Variants in GNAT3 observed in about 807,000 individuals in gnomAD.
The protein encoded by GNAT3 is guanine nucleotide-binding protein G(t) subunit alpha-3.
Under a neutral mutation model 37.7 loss-of-function variants are expected in GNAT3, and 31 were observed. That is an observed-to-expected ratio of 0.82 (90% CI 0.62 to 1.11). GNAT3 has a LOEUF of 1.11. GNAT3 is among the 50% of genes most tolerant of loss of function. GNAT3 has a pLI of 0.00. For synonymous variants in GNAT3, 138 were observed against 139.8 expected (o/e 0.99, Z 0.09); for missense variants, 437 against 412.5 (o/e 1.06, Z -0.51).
chr7:80,478,724 T>C, intron 4 of GNAT3, 117 bp downstream of exon 4: 2 of 989,568 alleles, frequency 2.0e-6, no homozygotes, highest in South Asian at 1.7e-5. Context: ...TTTACTCTAA[T>C]AAAATGTAAC....
chr7:80,493,706 G>C (rs7779021), intron 2 of GNAT3, among the ~76,000 whole-genome samples: 32 of 45,166 alleles, frequency 7.1e-4, no homozygotes, highest in East Asian at 1.7e-3. Flanking sequence ...CCTCCTCTTT[G>C]TTCCTCCTCC....
intron 3 of GNAT3, among the ~76,000 whole-genome samples, chr7:80,482,404 G>A (rs901472157): frequency 6.6e-6 from 1 of 152,196 alleles, no homozygotes; most frequent in Middle Eastern, 3.4e-3. Flanking sequence ...TATATATCTT[G>A]TCAGCATAGC....
chr7:80,500,689 G>A (rs1790816156), intron 1 of GNAT3, among the ~76,000 whole-genome samples: 1 of 151,954 alleles, frequency 6.6e-6, no homozygotes, highest in South Asian at 2.1e-4. Flanking sequence ...ATCTGACTAA[G>A]GAAATTCTCT....
At chr7:80,474,599 C>T (rs567844542) in intron 4 of GNAT3, among the ~76,000 whole-genome samples, 5 of 152,168 alleles carry the variant, frequency 3.3e-5, no homozygotes, top group East Asian at 1.9e-4. Context: ...CTATGCTCAT[C>T]GAATTAAAAG....
chr7:80,486,984 A>C (rs1334184336), intron 3 of GNAT3, among the ~76,000 whole-genome samples: 2 of 152,062 alleles, frequency 1.3e-5, no homozygotes, highest in South Asian at 4.1e-4. Context: ...TATTTTTGTA[A>C]CTATTATTGC....
chr7:80,509,862 C>T lies in GNAT3; in HGVS notation c.118+1947G>A, dbSNP rs142034210. Among the ~76,000 whole-genome samples the T allele has an allele frequency of 8.3e-4, 126 of 152,114 alleles. 1 individual carries two copies. In the Middle Eastern group the frequency reaches 0.014, roughly 16 times the overall value. ...TTTATTTTTTTAAATTGACAAATAACATTCCATGCTTGTGTTGTGTCCAAC... is the reference window on the plus strand; with the variant it reads ...TTTATTTTTTTAAATTGACAAATAATATTCCATGCTTGTGTTGTGTCCAAC... On this transcript the variant is annotated intron_variant, in intron 1 of 7. Transcript: ENST00000398291.
chr7:80,496,258 G>T (rs1330239626), intron 1 of GNAT3, among the ~76,000 whole-genome samples: 3 of 152,142 alleles, frequency 2.0e-5, no homozygotes, highest in African/African-American at 4.8e-5. Flanking sequence ...AGCCTCCTGA[G>T]TAGCTGGGAT....
intron 5 of GNAT3, among the ~76,000 whole-genome samples, chr7:80,472,294 C>A (rs977577500): frequency 6.6e-6 from 1 of 151,994 alleles, no homozygotes; most frequent in African/African-American, 2.4e-5. Flanking sequence ...TTATTTGCAC[C>A]AGAAAAATCA....
At position 80,505,116 on chromosome 7, in the gene GNAT3, T is replaced by A. The variant is rs531493407; in HGVS notation, c.118+6693A>T. Reference sequence around the variant, plus strand: ...ACAGCATTACATTCAAGAAAATCAGTTGGGAGAAGTGTATCAGGAAAATGG... The same window carrying A: ...ACAGCATTACATTCAAGAAAATCAGATGGGAGAAGTGTATCAGGAAAATGG... On this transcript the variant is annotated intron_variant, in intron 1 of 7. Transcript: ENST00000398291. Among the ~76,000 whole-genome samples, 88 of 152,108 alleles carry A rather than the reference T, an allele frequency of 5.8e-4. 3 individuals are homozygous for A. The South Asian group carries it at 0.018, about 31-fold the overall frequency.
chr7:80,493,046 A>G (rs1790623356), intron 2 of GNAT3, among the ~76,000 whole-genome samples: 1 of 152,026 alleles, frequency 6.6e-6, no homozygotes, highest in Non-Finnish European at 1.5e-5. Flanking sequence ...ACTAGTCACC[A>G]GTTATTTATC....
intron 1 of GNAT3, among the ~76,000 whole-genome samples, chr7:80,505,765 T>G (rs1790927184): frequency 6.6e-6 from 1 of 152,202 alleles, no homozygotes; most frequent in Non-Finnish European, 1.5e-5. Context: ...GACTTCCCCC[T>G]TTTTTATTAG....
intron 1 of GNAT3, among the ~76,000 whole-genome samples, chr7:80,511,327 C>G (rs1371884051): frequency 6.6e-6 from 1 of 152,018 alleles, no homozygotes; most frequent in Admixed American, 6.6e-5. Context: ...TTTAAAGTAC[C>G]TTATCATTGT....
intron 1 of GNAT3, among the ~76,000 whole-genome samples, chr7:80,499,850 A>C (rs902886533): frequency 1.3e-5 from 2 of 152,164 alleles, no homozygotes; most frequent in African/African-American, 4.8e-5. Flanking sequence ...AGTTTCCTCT[A>C]TTATAAAATT....
chr7:80,460,809 A>G (rs956555589), intron 7 of GNAT3, among the ~76,000 whole-genome samples: 3 of 152,074 alleles, frequency 2.0e-5, no homozygotes, highest in Admixed American at 6.6e-5. Context: ...CAATTCATCA[A>G]TATAATTCAT....
intron 1 of GNAT3, 148 bp downstream of exon 1, chr7:80,511,661 C>T: frequency 1.8e-6 from 1 of 544,538 alleles, no homozygotes; most frequent in Non-Finnish European, 3.3e-6. Context: ...TGATAGAGTA[C>T]AAATAAATTT....
At chr7:80,471,548 C>T (rs1274502222) in intron 5 of GNAT3, among the ~76,000 whole-genome samples, 1 of 151,916 alleles carries the variant, frequency 6.6e-6, no homozygotes, top group African/African-American at 2.4e-5. Context: ...TATAAAGGAC[C>T]ACATGACCCT....
At chr7:80,485,582 A>G (rs1790464501) in intron 3 of GNAT3, among the ~76,000 whole-genome samples, 1 of 152,130 alleles carries the variant, frequency 6.6e-6, no homozygotes, top group African/African-American at 2.4e-5. Flanking sequence ...TCCTGATGAC[A>G]AATATTATTT....
intron 1 of GNAT3, among the ~76,000 whole-genome samples, chr7:80,508,525 T>C (rs1215139580): frequency 6.6e-6 from 1 of 152,102 alleles, no homozygotes; most frequent in Non-Finnish European, 1.5e-5. Context: ...CTTTCTGGAA[T>C]ATCTTTGCAA....
At chr7:80,483,799 C>A (rs1790431458) in intron 3 of GNAT3, among the ~76,000 whole-genome samples, 1 of 152,096 alleles carries the variant, frequency 6.6e-6, no homozygotes, top group Admixed American at 6.6e-5. Context: ...CTCAATGAAG[C>A]CTTCTCTAAT....
Sources: allele counts gnomAD v4.1 joint callset (sites outside exome capture counted in the v4.1 genomes callset), GRCh38; gene constraint gnomAD v4.1.1; transcripts MANE v1.5; gene names NCBI Gene and HGNC (gene_info 2026-07-23, HGNC 2026-07-21).